CUL3: variants seen among roughly 807,000 people sequenced by gnomAD.
CUL3 encodes the protein cullin-3.
Under a neutral mutation model 89.1 loss-of-function variants are expected in CUL3, and 19 were observed. That is an observed-to-expected ratio of 0.21 (90% CI 0.15 to 0.31). CUL3 has a LOEUF of 0.31. CUL3 is among the 10% of genes least tolerant of loss of function. CUL3 has a pLI of 1.00. For missense variants in CUL3, 469 were observed against 942.3 expected (o/e 0.50, Z 6.58); for synonymous variants, 351 against 308.4 (o/e 1.14, Z -1.45).
chr2:224,539,759 A>G (rs1385549152), intron 2 of CUL3, among the ~76,000 whole-genome samples: 1 of 152,110 alleles, frequency 6.6e-6, no homozygotes, highest in Non-Finnish European at 1.5e-5. Context: ...GGCAAAACTA[A>G]AGAGAGAGCA....
intron 1 of CUL3, chr2:224,569,790 C>A: frequency 2.6e-6 from 3 of 1,155,998 alleles, no homozygotes; most frequent in South Asian, 1.7e-5. Context: ...ATACAAAGGA[C>A]AAGAAGTCTT....
intron 3 of CUL3, among the ~76,000 whole-genome samples, chr2:224,530,788 T>C (rs1191262494): frequency 6.6e-6 from 1 of 151,960 alleles, no homozygotes; most frequent in East Asian, 1.9e-4. Context: ...GCACCTGTAG[T>C]CCTAACTACT....
rs1380790599 is a variant in CUL3 at position 224,472,171 on chromosome 2, A to G, written c.*2074T>C. The G allele has an allele frequency of 4.4e-6, 1 of 227,318 alleles. No individual in the cohort carries two copies. The highest frequency in any genetic ancestry group is 2.2e-5 in the African/African-American group (1 of 45,006). The allele number at this position is 227,318 out of a possible 1,614,324, so 14.1% of individuals were successfully genotyped here. A position where few individuals can be genotyped will look rare whatever the true frequency, so the allele number is the denominator to read the frequency against. Reference sequence around the variant, plus strand: ...TTTTAATGTATTTAGAAGCATAAATATCAAACCTGTGCTCCAAAGTTAACA... The same window carrying G: ...TTTTAATGTATTTAGAAGCATAAATGTCAAACCTGTGCTCCAAAGTTAACA... On this transcript the variant is annotated 3_prime_UTR_variant, in exon 16 of 16. Coordinates refer to ENST00000264414, the MANE Select transcript of CUL3 (RefSeq NM_003590.5).
intron 6 of CUL3, among the ~76,000 whole-genome samples, chr2:224,508,189 T>C (rs1197058273): frequency 1.3e-5 from 2 of 151,424 alleles, no homozygotes; most frequent in African/African-American, 4.9e-5. Flanking sequence ...GTTCTAAGAG[T>C]AGTTTAGAGC....
chr2:224,581,143 T>TC (rs1451954461), intron 1 of CUL3, among the ~76,000 whole-genome samples: 1 of 152,092 alleles, frequency 6.6e-6, no homozygotes, highest in Non-Finnish European at 1.5e-5. Context: ...ACACCTGTAA[T>TC]CCCAGCACTT....
Position 224,473,533 on chromosome 2 carries a change from A to T in CUL3, c.*712T>A, listed in dbSNP as rs1351456441. 5.5e-6 allele frequency: 1 copy of T among 183,084 alleles called. No individual in the cohort carries two copies. The highest frequency in any genetic ancestry group is 1.2e-5 in the Non-Finnish European group (1 of 85,900). 11.3% of individuals were successfully genotyped at this position (183,084 alleles called of 1,614,324 possible). A position where few individuals can be genotyped will look rare whatever the true frequency, so the allele number is the denominator to read the frequency against. On this transcript the variant is annotated 3_prime_UTR_variant, in exon 16 of 16. Transcript: ENST00000264414. ...TTGTACAATTTACACATACTAAAATACTTTCTTTCTCTAGAAATAACTCAG... is the reference window on the plus strand; with the variant it reads ...TTGTACAATTTACACATACTAAAATTCTTTCTTTCTCTAGAAATAACTCAG...
At chr2:224,560,301 G>C (rs1256400075) in intron 1 of CUL3, 1 of 151,728 alleles carries the variant, frequency 6.6e-6, no homozygotes, top group African/African-American at 2.4e-5. Flanking sequence ...TTTCTAGGTG[G>C]AGTTGATCTA....
At chr2:224,579,516 T>G (rs1326109581) in intron 1 of CUL3, among the ~76,000 whole-genome samples, 1 of 152,172 alleles carries the variant, frequency 6.6e-6, no homozygotes, top group Non-Finnish European at 1.5e-5. Flanking sequence ...TGTACCCATC[T>G]GTCCTTAAGA....
At chr2:224,566,630 T>C (rs979790769) in intron 1 of CUL3, among the ~76,000 whole-genome samples, 3 of 152,228 alleles carry the variant, frequency 2.0e-5, no homozygotes, top group East Asian at 3.8e-4. Context: ...GCTTCTCCTA[T>C]TACCTTGACA....
intron 3 of CUL3, among the ~76,000 whole-genome samples, chr2:224,519,176 C>T (rs1008735169): frequency 6.6e-6 from 1 of 152,198 alleles, no homozygotes; most frequent in Admixed American, 6.5e-5. Flanking sequence ...GCAGCCAAAA[C>T]TTTATTTCAT....
intron 6 of CUL3, 61 bp from the exon 7 acceptor site, chr2:224,507,064 T>C: frequency 6.7e-7 from 1 of 1,500,282 alleles, no homozygotes; most frequent in South Asian, 1.2e-5. Flanking sequence ...CACGAATCTC[T>C]GTTCACGCTA....
chr2:224,528,936 C>A (rs1693584931), intron 3 of CUL3, among the ~76,000 whole-genome samples: 1 of 152,032 alleles, frequency 6.6e-6, no homozygotes, highest in African/African-American at 2.4e-5. Flanking sequence ...CAAGAAGAAA[C>A]ACAAAAATAC....
intron 3 of CUL3, among the ~76,000 whole-genome samples, chr2:224,534,286 C>G (rs985744675): frequency 6.6e-6 from 1 of 151,940 alleles, no homozygotes. Flanking sequence ...GGATTTTTTT[C>G]TTGACTGATG....
intron 1 of CUL3, among the ~76,000 whole-genome samples, chr2:224,572,810 A>G (rs1425595677): frequency 6.6e-6 from 1 of 152,128 alleles, no homozygotes; most frequent in Non-Finnish European, 1.5e-5. Context: ...GAATTCCGAG[A>G]GGACAATGCA....
rs1206825858 is a variant in CUL3 at position 224,489,728 on chromosome 2, A to G, written c.1842+6104T>C. On this transcript the variant is annotated intron_variant, in intron 13 of 15. Coordinates refer to ENST00000264414, the MANE Select transcript of CUL3 (RefSeq NM_003590.5). ...TTCACAGAAAGAGAAAAAACTACTC[A>G]TAAGACCCAAAACCATAAAAACCCT... Among the ~76,000 whole-genome samples the G allele has an allele frequency of 2.0e-5, 3 of 152,102 alleles. No individual in the cohort carries two copies. In the East Asian group the frequency reaches 5.8e-4, roughly 29 times the overall value.
chr2:224,549,725 A>G (rs1694438366), intron 2 of CUL3, among the ~76,000 whole-genome samples: 1 of 152,176 alleles, frequency 6.6e-6, no homozygotes, highest in Non-Finnish European at 1.5e-5. Flanking sequence ...TGAATCCCAA[A>G]TAGGAACCTT....
Position 224,500,066 on chromosome 2 carries a change from A to G in CUL3, c.1610+297T>C. On this transcript the variant is annotated intron_variant, in intron 11 of 15. Coordinates refer to ENST00000264414, the MANE Select transcript of CUL3 (RefSeq NM_003590.5). ...AAAGTCCAAGGAATTCTCTGGGTCT[A>G]GTTTTCCATCATCATTTACTTTCTC... The G allele has an allele frequency of 3.4e-5, 9 of 263,256 alleles. 1 individual carries two copies. Among genetic ancestry groups the G allele is most frequent in the Non-Finnish European group, 6.8e-5 (9 of 132,292 alleles). The allele number at this position is 263,256 out of a possible 1,614,324, so 16.3% of individuals were successfully genotyped here. A position where few individuals can be genotyped will look rare whatever the true frequency, so the allele number is the denominator to read the frequency against.
intron 2 of CUL3, among the ~76,000 whole-genome samples, chr2:224,545,277 T>A (rs965470158): frequency 3.9e-5 from 6 of 152,176 alleles, no homozygotes; most frequent in Admixed American, 2.6e-4. Context: ...TCATTATTTT[T>A]AATTAACTTT....
chr2:224,546,427 C>G (rs540001301), intron 2 of CUL3, among the ~76,000 whole-genome samples: 12 of 151,796 alleles, frequency 7.9e-5, no homozygotes, highest in Non-Finnish European at 1.8e-4. Context: ...GTAATTAACT[C>G]GAGTAGGGAG....
Sources: gnomAD v4.1 joint callset for allele counts (sites outside exome capture counted in the v4.1 genomes callset) on GRCh38, gnomAD v4.1.1 for gene constraint, MANE v1.5 for transcripts, NCBI Gene and HGNC (gene_info 2026-07-23, HGNC 2026-07-21) for gene names.